Variants in MYT1L observed in about 807,000 individuals in gnomAD.
MYT1L encodes myelin transcription factor 1 like, also known as myelin transcription factor 1-like protein.
A neutral mutation model predicts 126.7 loss-of-function variants in MYT1L; 12 were observed. The ratio of observed to expected loss-of-function variants is 0.09; its 90% CI spans 0.06 to 0.15. The LOEUF is 0.15. Ranked by LOEUF, MYT1L falls within the 10% of genes least tolerant of loss-of-function variation. MYT1L has a pLI of 1.00. For synonymous variants in MYT1L, 541 were observed against 604.2 expected (o/e 0.90, Z 1.53); for missense variants, 979 against 1,585.2 (o/e 0.62, Z 6.49).
intron 3 of MYT1L, among the ~76,000 whole-genome samples, chr2:2,101,817 AGTACTTCATAAAAT>A (rs2078130148): frequency 6.6e-6 from 1 of 152,262 alleles, no homozygotes; most frequent in Non-Finnish European, 1.5e-5. Flanking sequence ...ATGCATTTAA[AGTACTTCATAAAAT>A]GTGCTTGAAA....
intron 2 of MYT1L, among the ~76,000 whole-genome samples, chr2:2,265,418 T>G (rs1435366052): frequency 6.6e-6 from 1 of 152,132 alleles, no homozygotes; most frequent in Non-Finnish European, 1.5e-5. Flanking sequence ...ACATAGCCTG[T>G]GTGGCATATT....
intron 15 of MYT1L, among the ~76,000 whole-genome samples, chr2:1,890,024 A>G (rs1258690205): frequency 6.6e-6 from 1 of 152,092 alleles, no homozygotes; most frequent in Non-Finnish European, 1.5e-5. Context: ...AATTAGAAGG[A>G]TGAAGGAAGG....
Position 2,150,913 on chromosome 2 carries a change from GAC to G in MYT1L, c.-304+21957_-304+21958del, listed in dbSNP as rs796740882. ...AGGAAGGGAAGGAGGGAGGGAGGGA[GAC>G]GGAGGGAGGGAGGGAGATGGAGGGA... On this transcript the variant is annotated intron_variant, in intron 3 of 24. Coordinates refer to ENST00000647738, the MANE Select transcript of MYT1L (RefSeq NM_001303052.2). Among the ~76,000 whole-genome samples the G allele has an allele frequency of 4.2e-4, 54 of 129,036 alleles. 1 individual carries two copies. The East Asian group carries it at 0.013, about 30-fold the overall frequency. 84.7% of individuals were successfully genotyped at this position (129,036 alleles called of 152,430 possible).
chr2:1,822,854 T>G (rs2038753464), intron 21 of MYT1L, among the ~76,000 whole-genome samples: 2 of 151,988 alleles, frequency 1.3e-5, no homozygotes, highest in Non-Finnish European at 2.9e-5. Context: ...AGGGTTTCTC[T>G]TTCTCAGGAG....
intron 3 of MYT1L, among the ~76,000 whole-genome samples, chr2:2,100,531 T>C (rs2077938315): frequency 6.6e-6 from 1 of 152,192 alleles, no homozygotes; most frequent in African/African-American, 2.4e-5. Context: ...CTTGATGTCA[T>C]CAGAAATAAC....
Position 2,000,359 on chromosome 2 carries a change from G to A in MYT1L, c.-157-3012C>T, listed in dbSNP as rs1200326773. ...CATTTAAAAAAAATATTTAAAGTCA[G>A]AGGCAGAAATTTCCTCTGGGAAATC... On this transcript the variant is annotated intron_variant, in intron 4 of 24. Coordinates refer to ENST00000647738, the MANE Select transcript of MYT1L (RefSeq NM_001303052.2). Among the ~76,000 whole-genome samples, 9 of 152,218 alleles carry A rather than the reference G, an allele frequency of 5.9e-5. No individual in the cohort carries two copies. In the East Asian group the frequency reaches 1.7e-3, roughly 29 times the overall value.
chr2:2,210,337 G>C (rs555568885), intron 2 of MYT1L, among the ~76,000 whole-genome samples: 2 of 152,260 alleles, frequency 1.3e-5, no homozygotes, highest in East Asian at 3.9e-4. Flanking sequence ...ATATCCTAGA[G>C]CATTTCCCCA....
chr2:1,815,761 C>G (rs1011428594), intron 21 of MYT1L, among the ~76,000 whole-genome samples: 1 of 152,256 alleles, frequency 6.6e-6, no homozygotes, highest in African/African-American at 2.4e-5. Context: ...CCCAGGGCTG[C>G]CTGGCCCATC....
intron 17 of MYT1L, 25 bp from the exon 18 acceptor site, chr2:1,886,632 GGTCA>G: frequency 6.7e-7 from 1 of 1,498,586 alleles, no homozygotes; most frequent in Non-Finnish European, 8.9e-7. Context: ...GGGACAGGCA[GGTCA>G]GTCAACTGCG....
chr2:1,966,077 C>T (rs1038921913), intron 8 of MYT1L, among the ~76,000 whole-genome samples: 1 of 152,330 alleles, frequency 6.6e-6, no homozygotes, highest in East Asian at 1.9e-4. Context: ...GCCCTGACAC[C>T]CCTAGAGGGG....
At chr2:2,094,841 T>C (rs1041358070) in intron 3 of MYT1L, among the ~76,000 whole-genome samples, 20 of 152,054 alleles carry the variant, frequency 1.3e-4, no homozygotes, top group African/African-American at 4.8e-4. Flanking sequence ...TTAATGGGTG[T>C]AGCACACCAA....
At chr2:2,166,521 G>C (rs1394845163) in intron 3 of MYT1L, among the ~76,000 whole-genome samples, 3 of 152,210 alleles carry the variant, frequency 2.0e-5, no homozygotes, top group Non-Finnish European at 4.4e-5. Flanking sequence ...TTCTCTGGCT[G>C]CGACCTTGGT....
chr2:1,942,576 C>G (rs911588159), intron 9 of MYT1L, among the ~76,000 whole-genome samples: 1 of 152,228 alleles, frequency 6.6e-6, no homozygotes, highest in Admixed American at 6.5e-5. Flanking sequence ...TGAGGAGGTA[C>G]CTGGGCTAAG....
At chr2:2,106,637 C>T (rs535473254) in intron 3 of MYT1L, among the ~76,000 whole-genome samples, 14 of 152,150 alleles carry the variant, frequency 9.2e-5, no homozygotes, top group African/African-American at 3.1e-4. Flanking sequence ...TAAATAAATA[C>T]ATAAATAAAT....
chr2:2,054,956 G>A (rs140158095), intron 3 of MYT1L, among the ~76,000 whole-genome samples: 2 of 152,010 alleles, frequency 1.3e-5, no homozygotes, highest in South Asian at 4.2e-4. Context: ...GAGATGCATG[G>A]AGATGAGACA....
intron 4 of MYT1L, among the ~76,000 whole-genome samples, chr2:2,017,734 A>C (rs942002132): frequency 6.0e-5 from 9 of 150,574 alleles, no homozygotes; most frequent in Non-Finnish European, 1.3e-4. Context: ...CCCTCCATCC[A>C]TCCATCCATC....
chr2:1,999,031 G>A (rs953930451), intron 4 of MYT1L, among the ~76,000 whole-genome samples: 1 of 152,226 alleles, frequency 6.6e-6, no homozygotes, highest in African/African-American at 2.4e-5. Flanking sequence ...CGATTAGACA[G>A]AATGGGTTAT....
chr2:1,879,110 T>C (rs1207000595), intron 18 of MYT1L, among the ~76,000 whole-genome samples: 1 of 152,150 alleles, frequency 6.6e-6, no homozygotes. Flanking sequence ...GCTTTCCTGC[T>C]TCCCCGGCCC....
At chr2:1,895,074 C>A (rs112653627) in intron 14 of MYT1L, among the ~76,000 whole-genome samples, 1 of 152,144 alleles carries the variant, frequency 6.6e-6, no homozygotes, top group African/African-American at 2.4e-5. Context: ...CATCCAGGCT[C>A]ACCATCAATC....
Sources: gnomAD v4.1 joint callset for allele counts (sites outside exome capture counted in the v4.1 genomes callset) on GRCh38, gnomAD v4.1.1 for gene constraint, MANE v1.5 for transcripts, NCBI Gene and HGNC (gene_info 2026-07-23, HGNC 2026-07-21) for gene names.